The following CNIH4 variants were observed in gnomAD, a reference collection of about 807,000 sequenced individuals.
CNIH4 encodes protein cornichon homolog 4.
In CNIH4, 9 loss-of-function variants were observed where a neutral mutation model predicts 21.5. The ratio of observed to expected loss-of-function variants is 0.42; its 90% CI spans 0.25 to 0.73. The LOEUF (loss-of-function observed/expected upper bound fraction) is 0.73. Among genes scored for constraint, CNIH4 ranks in the 30% least tolerant of loss-of-function variants. CNIH4 has a pLI of 0.27. For synonymous variants in CNIH4, 67 were observed against 59.1 expected (o/e 1.13, Z -0.61); for missense variants, 159 against 170.0 (o/e 0.94, Z 0.36).
chr1:224,365,510 A>G (rs1201938342), intron 2 of CNIH4, among the ~76,000 whole-genome samples: 1 of 152,228 alleles, frequency 6.6e-6, no homozygotes, highest in African/African-American at 2.4e-5. Flanking sequence ...TTGAAAGGCA[A>G]CATGTGTGTG....
intron 2 of CNIH4, among the ~76,000 whole-genome samples, chr1:224,362,171 C>G (rs1672311637): frequency 6.6e-6 from 1 of 151,482 alleles, no homozygotes. Context: ...AGCTCTGCCT[C>G]CCGGGTTCAT....
chr1:224,373,579 C>T (rs1359837348), intron 4 of CNIH4, among the ~76,000 whole-genome samples: 1 of 150,882 alleles, frequency 6.6e-6, no homozygotes, highest in Non-Finnish European at 1.5e-5. Context: ...CCTGTAATCC[C>T]AGCACTTTGG....
rs1400790041 is a variant in CNIH4 at position 224,378,010 on chromosome 1, C to T, written c.*2188C>T. 6.6e-6 allele frequency: 1 copy of T among 151,992 alleles called. No individual in the cohort carries two copies. Among genetic ancestry groups the T allele is most frequent in the Non-Finnish European group, 1.5e-5 (1 of 68,012 alleles). 9.4% of individuals were successfully genotyped at this position (151,992 alleles called of 1,614,324 possible). ...ACAAAAACTCTTCCTTCTTGTATTG[C>T]TTGTCTATCAAAGCCAGGAAAGTGG... On this transcript the variant is annotated 3_prime_UTR_variant, in exon 5 of 5. Transcript: ENST00000465271.
At position 224,375,960 on chromosome 1, in the gene CNIH4, A is replaced by AT. The variant is rs1292734463; in HGVS notation, c.*143dup. ...TGGAACAAAAAACTATTTTTGCTGT[A>AT]TTTTTACCATATAAAGTATTTAAAA... On this transcript the variant is annotated 3_prime_UTR_variant, in exon 5 of 5. Coordinates refer to ENST00000465271, the MANE Select transcript of CNIH4 (RefSeq NM_014184.4). 3 of 1,348,808 alleles carry AT rather than the reference A, an allele frequency of 2.2e-6. No homozygotes were observed. Among genetic ancestry groups the AT allele is most frequent in the Non-Finnish European group, 2.9e-6 (3 of 1,044,790 alleles). 83.6% of individuals were successfully genotyped at this position (1,348,808 alleles called of 1,614,324 possible).
chr1:224,376,668 G>A lies in CNIH4; in HGVS notation c.*846G>A, dbSNP rs777866224. On this transcript the variant is annotated 3_prime_UTR_variant, in exon 5 of 5. Transcript: ENST00000465271. Reference sequence around the variant, plus strand: ...TCTGTGAAATTGAGCCTTTTGGTGCGCCACGTGGTGCCAGATCAACACTTC... The same window carrying A: ...TCTGTGAAATTGAGCCTTTTGGTGCACCACGTGGTGCCAGATCAACACTTC... 1.3e-4 allele frequency: 124 copies of A among 985,230 alleles called. No homozygotes were observed. Among genetic ancestry groups the A allele is most frequent in the Non-Finnish European group, 1.3e-4 (112 of 829,922 alleles). The allele number at this position is 985,230 out of a possible 1,614,324, so 61.0% of individuals were successfully genotyped here. A position where few individuals can be genotyped will look rare whatever the true frequency, so the allele number is the denominator to read the frequency against.
At chr1:224,368,425 T>G (rs1488066725) in intron 3 of CNIH4, among the ~76,000 whole-genome samples, 1 of 152,234 alleles carries the variant, frequency 6.6e-6, no homozygotes, top group Non-Finnish European at 1.5e-5. Flanking sequence ...GTAACTGCAG[T>G]GACAGGTTGG....
intron 3 of CNIH4, among the ~76,000 whole-genome samples, chr1:224,369,762 C>T (rs561333744): frequency 1.0e-3 from 158 of 150,670 alleles, no homozygotes; most frequent in African/African-American, 3.1e-3. Context: ...TTGCAACCTC[C>T]GTCTCCCGGG....
At chr1:224,367,938 A>G (rs897871153) in intron 3 of CNIH4, among the ~76,000 whole-genome samples, 2 of 152,240 alleles carry the variant, frequency 1.3e-5, no homozygotes, top group Non-Finnish European at 2.9e-5. Flanking sequence ...CCATACTGTC[A>G]GTCATCTCTA....
chr1:224,372,193 A>C lies in CNIH4; in HGVS notation c.392+770A>C, dbSNP rs563286354. Among the ~76,000 whole-genome samples the C allele has an allele frequency of 7.2e-5, 11 of 152,310 alleles. No homozygotes were observed. In the East Asian group the frequency reaches 2.1e-3, roughly 29 times the overall value. On this transcript the variant is annotated intron_variant, in intron 4 of 4. Transcript: ENST00000465271. ...GTTGTATCAGTCTTCTAGTTATAAC[A>C]CACTGGAAGTAAGAATTAATATGAT...
Position 224,375,952 on chromosome 1 carries a change from T to C in CNIH4, c.*130T>C. ...TTTCCTCTTGGAACAAAAAACTATT[T>C]TTGCTGTATTTTTACCATATAAAGT... On this transcript the variant is annotated 3_prime_UTR_variant, in exon 5 of 5. Transcript: ENST00000465271. 2 of 1,353,826 alleles carry C rather than the reference T, an allele frequency of 1.5e-6. No individual in the cohort carries two copies. 83.9% of individuals were successfully genotyped at this position (1,353,826 alleles called of 1,614,324 possible). A position where few individuals can be genotyped will look rare whatever the true frequency, so the allele number is the denominator to read the frequency against.
At chr1:224,367,340 G>A (rs1672493163) in intron 3 of CNIH4, among the ~76,000 whole-genome samples, 2 of 152,186 alleles carry the variant, frequency 1.3e-5, no homozygotes, top group South Asian at 4.1e-4. Flanking sequence ...AAAAGATAAT[G>A]GCAGCAGTAG....
At position 224,365,988 on chromosome 1, in the gene CNIH4, A is replaced by G. The variant is rs917486920; in HGVS notation, c.248A>G (p.Tyr83Cys). ...TTACCTGTTGCCACTTGGAATATAT[A>G]TCGGTGAGTATAGTTTGTTTACTTT... ...LNLPVATWNIYRYIMVPSGNM... is the reference protein window; with the variant it reads ...LNLPVATWNICRYIMVPSGNM... Residue 83 changes from tyrosine (Y) to cysteine (C), a missense_variant, in exon 3 of 5, where the codon TAT (tyrosine) becomes TGT (cysteine). Coordinates refer to ENST00000465271, the MANE Select transcript of CNIH4 (RefSeq NM_014184.4). 2 of 1,555,838 alleles carry G rather than the reference A, an allele frequency of 1.3e-6. No homozygotes were observed. Among genetic ancestry groups the G allele is most frequent in the Non-Finnish European group, 1.8e-6 (2 of 1,126,930 alleles).
chr1:224,357,575 A>G (rs1180099055), intron 1 of CNIH4: 2 of 152,286 alleles, frequency 1.3e-5, no homozygotes, highest in African/African-American at 4.8e-5. Flanking sequence ...TCATTCGCCA[A>G]AGGAGCGAAG....
Position 224,376,235 on chromosome 1 carries a change from C to G in CNIH4, c.*413C>G, listed in dbSNP as rs1672777556. ...TACAAAACAACACTGTTGATCTGGA[C>G]AAAAGAAGAAAAATTACCCTTTTTG... On this transcript the variant is annotated 3_prime_UTR_variant, in exon 5 of 5. Coordinates refer to ENST00000465271, the MANE Select transcript of CNIH4 (RefSeq NM_014184.4). 1.2e-5 allele frequency: 12 copies of G among 990,442 alleles called. No homozygotes were observed. Among genetic ancestry groups the G allele is most frequent in the Non-Finnish European group, 1.3e-5 (11 of 833,520 alleles). 61.4% of individuals were successfully genotyped at this position (990,442 alleles called of 1,614,324 possible). A position where few individuals can be genotyped will look rare whatever the true frequency, so the allele number is the denominator to read the frequency against.
chr1:224,379,368 A>G lies in CNIH4; in HGVS notation c.*3546A>G. 2.2e-6 allele frequency: 1 copy of G among 458,716 alleles called. No homozygotes were observed. Among genetic ancestry groups the G allele is most frequent in the African/African-American group, 2.0e-5 (1 of 50,856 alleles). 28.4% of individuals were successfully genotyped at this position (458,716 alleles called of 1,614,324 possible). ...TGGAGGGCAGAATATGCCCATTCAT[A>G]TTTGTATCTTCTTCCTTCTGCTCTT... On this transcript the variant is annotated 3_prime_UTR_variant, in exon 5 of 5. Transcript: ENST00000465271.
chr1:224,369,913 A>G (rs999499967), intron 3 of CNIH4, among the ~76,000 whole-genome samples: 6 of 151,944 alleles, frequency 3.9e-5, no homozygotes, highest in Non-Finnish European at 8.8e-5. Context: ...ACCTCAGGCA[A>G]TCCTCCCGCC....
chr1:224,361,785 A>G (rs1201845770), intron 2 of CNIH4, among the ~76,000 whole-genome samples: 11 of 151,438 alleles, frequency 7.3e-5, no homozygotes, highest in African/African-American at 1.7e-4. Context: ...GGGTTTCACT[A>G]TGTTGCCCAG....
chr1:224,363,784 T>TA (rs1400175796), intron 2 of CNIH4, among the ~76,000 whole-genome samples: 1 of 152,220 alleles, frequency 6.6e-6, no homozygotes, highest in Admixed American at 6.5e-5. Context: ...GGTAAAGCAC[T>TA]AAAATGCTCA....
Position 224,379,110 on chromosome 1 carries a change from G to A in CNIH4, c.*3288G>A. 4 of 1,550,476 alleles carry A rather than the reference G, an allele frequency of 2.6e-6. No individual in the cohort carries two copies. The highest frequency in any genetic ancestry group is 3.5e-6 in the Non-Finnish European group (4 of 1,146,916). ...TGCTAATCACCGTAACCTCGGCTGA[G>A]AAAGAAGAGGAAGCGAAATCCAAGA... is the stretch of plus-strand genomic sequence containing the variant. On this transcript the variant is annotated 3_prime_UTR_variant, in exon 5 of 5. Coordinates refer to ENST00000465271, the MANE Select transcript of CNIH4 (RefSeq NM_014184.4).
Sources: gnomAD v4.1 joint callset for allele counts (sites outside exome capture counted in the v4.1 genomes callset) on GRCh38, gnomAD v4.1.1 for gene constraint, MANE v1.5 for transcripts, NCBI Gene and HGNC (gene_info 2026-07-23, HGNC 2026-07-21) for gene names.